Variants in HPN observed in about 807,000 individuals in gnomAD.
HPN encodes the protein serine protease hepsin.
Under a neutral mutation model 55.9 loss-of-function variants are expected in HPN, and 13 were observed. That is an observed-to-expected ratio of 0.23 (90% CI 0.15 to 0.37). The LOEUF (loss-of-function observed/expected upper bound fraction) is 0.37, where lower values mean the gene tolerates loss of function less well. Among genes scored for constraint, HPN ranks in the 10% least tolerant of loss-of-function variants. The probability of loss-of-function intolerance (pLI) is 1.00; values close to 1 mark genes in which losing one functional copy is unlikely to be tolerated. For missense variants in HPN, 451 were observed against 575.8 expected (o/e 0.78, Z 2.22); for synonymous variants, 225 against 240.3 (o/e 0.94, Z 0.59).
intron 9 of HPN, among the ~76,000 whole-genome samples, chr19:35,064,340 T>C (rs200930706): frequency 4.1e-4 from 58 of 140,032 alleles, no homozygotes; most frequent in East Asian, 1.7e-3. Flanking sequence ...CTCTCTCTCT[T>C]TCTTCTCTCT....
At chr19:35,066,195 G>A (rs961702754) in intron 12 of HPN, 54 bp from the exon 13 acceptor site, 1 of 1,613,800 alleles carries the variant, frequency 6.2e-7, no homozygotes, top group East Asian at 2.2e-5. Context: ...GGAAGCCAGT[G>A]GTGGGACGTG....
intron 4 of HPN, among the ~76,000 whole-genome samples, chr19:35,057,135 T>G (rs751610128): frequency 2.6e-5 from 4 of 152,150 alleles, no homozygotes; most frequent in Non-Finnish European, 5.9e-5. Context: ...TAAAATGTTA[T>G]CAGATGGGGG....
At chr19:35,048,060 GAAA>G (rs1320318365) in intron 2 of HPN, among the ~76,000 whole-genome samples, 14 of 52,370 alleles carry the variant, frequency 2.7e-4, no homozygotes, top group South Asian at 1.9e-3. Context: ...AAGAAAGAAA[GAAA>G]GAAAGAAAGA....
chr19:35,060,264 C>G (rs1351051656), intron 7 of HPN, 83 bp from the exon 8 acceptor site: 1 of 1,606,888 alleles, frequency 6.2e-7, no homozygotes, highest in Admixed American at 1.7e-5. Flanking sequence ...CTTTCAGACC[C>G]CCTAGGGCAG....
chr19:35,062,687 C>T (rs991042183), intron 9 of HPN, among the ~76,000 whole-genome samples: 1 of 151,950 alleles, frequency 6.6e-6, no homozygotes, highest in Non-Finnish European at 1.5e-5. Context: ...GTTCAAGACT[C>T]GCCTGGGCAA....
chr19:35,058,713 A>T (rs1390084394), intron 4 of HPN, among the ~76,000 whole-genome samples: 1 of 151,148 alleles, frequency 6.6e-6, no homozygotes, highest in African/African-American at 2.4e-5. Context: ...TATGATCTAC[A>T]AACTGGCAAC....
chr19:35,048,080 GA>G (rs1327137855), intron 2 of HPN, among the ~76,000 whole-genome samples: 1,629 of 36,358 alleles, frequency 0.045, 31 homozygotes, highest in African/African-American at 0.092. Context: ...AAGAAAGAAA[GA>G]AAAGGAAGGA....
chr19:35,060,729 G>T lies in HPN; in HGVS notation c.723G>T (p.Gly241=). 6.2e-7 allele frequency: 1 copy of T among 1,614,138 alleles called. No individual in the cohort carries two copies. ...QLGVQAVVYH[G]GYLPFRDPNS... ...GGGTGCAGGCTGTGGTCTACCACGG[G>T]GGCTATCTTCCCTTTCGGGACCCCA... is the stretch of plus-strand genomic sequence containing the variant. The change falls in exon 9 of 13, where the codon GGG becomes GGT. Residue 241 remains glycine (G), a synonymous_variant. Coordinates refer to ENST00000672452, the MANE Select transcript of HPN (RefSeq NM_001384133.1).
chr19:35,065,323 C>A lies in HPN; in HGVS notation c.885C>A (p.Gly295=), dbSNP rs530528933. Residue 295 remains glycine, a synonymous_variant, in exon 10 of 13, where the codon GGC becomes GGA. Transcript: ENST00000672452. ...LVDGKICTVT[G]WGNTQYYGQQ... ...ATGGCAAGATCTGTACCGTGACGGG[C>A]TGGGGCAACACGCAGTACTATGGTG... 1.9e-6 allele frequency: 3 copies of A among 1,613,718 alleles called. No homozygotes were observed. Among genetic ancestry groups the A allele is most frequent in the Non-Finnish European group, 1.7e-6 (2 of 1,179,812 alleles).
intron 2 of HPN, among the ~76,000 whole-genome samples, chr19:35,043,911 T>G (rs62122159): frequency 0.081 from 12,282 of 152,248 alleles, 632 homozygotes; most frequent in East Asian, 0.16. Flanking sequence ...CAAAGTGGGC[T>G]CTGGTGCCTC....
intron 2 of HPN, 68 bp downstream of exon 2, chr19:35,042,590 T>C: frequency 7.5e-7 from 1 of 1,340,362 alleles, no homozygotes; most frequent in Non-Finnish European, 1.0e-6. Context: ...CTCTTTTCTC[T>C]ACCCTCTACT....
intron 9 of HPN, among the ~76,000 whole-genome samples, chr19:35,064,071 C>T (rs576987632): frequency 1.3e-5 from 2 of 152,198 alleles, no homozygotes; most frequent in Non-Finnish European, 2.9e-5. Flanking sequence ...ACCAATTTCT[C>T]ACTACAACTT....
chr19:35,041,077 GGA>G (rs1205025087), upstream of HPN, among the ~76,000 whole-genome samples: 16 of 152,224 alleles, frequency 1.1e-4, no homozygotes, highest in Non-Finnish European at 1.9e-4. Flanking sequence ...ATCTGCCTGC[GGA>G]CGCTTCCGGC....
upstream of HPN, chr19:35,040,666 G>C (rs1304157946): frequency 6.5e-6 from 1 of 153,280 alleles, no homozygotes; most frequent in Non-Finnish European, 1.5e-5. Flanking sequence ...AATCGAGGCT[G>C]ATGCTGGGGT....
At chr19:35,046,527 G>A (rs542817748) in intron 2 of HPN, among the ~76,000 whole-genome samples, 1 of 152,330 alleles carries the variant, frequency 6.6e-6, no homozygotes, top group East Asian at 1.9e-4. Context: ...TTACAGGCAT[G>A]AGCCACCATG....
upstream of HPN, among the ~76,000 whole-genome samples, chr19:35,041,360 G>C (rs2064291418): frequency 6.6e-6 from 1 of 152,142 alleles, no homozygotes; most frequent in Non-Finnish European, 1.5e-5. Flanking sequence ...GGCACAGCCA[G>C]GACCTGGGGC....
chr19:35,050,124 T>G (rs2064388490), intron 4 of HPN, among the ~76,000 whole-genome samples: 1 of 152,008 alleles, frequency 6.6e-6, no homozygotes, highest in South Asian at 2.1e-4. Context: ...AGTTTTTTTG[T>G]TTGTTTGTTT....
intron 2 of HPN, 77 bp from the exon 3 acceptor site, chr19:35,049,213 C>A: frequency 9.3e-7 from 1 of 1,073,614 alleles, no homozygotes; most frequent in Non-Finnish European, 1.3e-6. Context: ...GGGGGCAGGG[C>A]AGAGCTGGCC....
intron 2 of HPN, among the ~76,000 whole-genome samples, chr19:35,046,889 C>T (rs963069827): frequency 7.9e-5 from 12 of 151,958 alleles, no homozygotes; most frequent in Non-Finnish European, 1.5e-4. Flanking sequence ...AGTGCAGTGG[C>T]GCGATCTCGG....
Sources: allele counts gnomAD v4.1 joint callset (sites outside exome capture counted in the v4.1 genomes callset), GRCh38; gene constraint gnomAD v4.1.1; transcripts MANE v1.5; gene names NCBI Gene and HGNC (gene_info 2026-07-23, HGNC 2026-07-21).